The following VEPH1 variants were observed in gnomAD, a reference collection of about 807,000 sequenced individuals.
VEPH1 encodes the protein ventricular zone expressed PH domain containing 1, also known as ventricular zone-expressed PH domain-containing protein homolog 1.
A neutral mutation model predicts 85.2 loss-of-function variants in VEPH1; 80 were observed. The ratio of observed to expected loss-of-function variants is 0.94; its 90% confidence interval spans 0.78 to 1.13. The LOEUF (loss-of-function observed/expected upper bound fraction) is 1.13. VEPH1 is among the 50% of genes most tolerant of loss of function. The pLI, the probability that VEPH1 is intolerant of heterozygous loss-of-function variation, is 0.00. For synonymous variants in VEPH1, 297 were observed against 348.0 expected, an observed-to-expected ratio of 0.85 and a Z score of 1.63; for missense variants, 955 against 980.5, an observed-to-expected ratio of 0.97 and a Z score of 0.35.
intron 2 of VEPH1, among the ~76,000 whole-genome samples, 167 bp downstream of exon 2, chr3:157,495,045 A>G (rs904378639): frequency 6.6e-6 from 1 of 152,136 alleles, no homozygotes; most frequent in Non-Finnish European, 1.5e-5. Flanking sequence ...TGACTTCCCT[A>G]CTGATATTTC....
chr3:157,336,740 A>C (rs2108626631), intron 9 of VEPH1, among the ~76,000 whole-genome samples: 1 of 152,356 alleles, frequency 6.6e-6, no homozygotes, highest in East Asian at 1.9e-4. Context: ...AATCTAGAGC[A>C]AGGGTTGATA....
At chr3:157,369,774 G>A (rs1727281632) in intron 7 of VEPH1, among the ~76,000 whole-genome samples, 1 of 151,932 alleles carries the variant, frequency 6.6e-6, no homozygotes, top group Non-Finnish European at 1.5e-5. Context: ...TATTTTGTTC[G>A]AAACAAAGTT....
chr3:157,449,601 A>G (rs6799588), intron 4 of VEPH1, among the ~76,000 whole-genome samples: 7,124 of 152,224 alleles, frequency 0.047, 574 homozygotes, highest in African/African-American at 0.16. Context: ...TACGGAAATT[A>G]CTGCCTCTTC....
intron 4 of VEPH1, among the ~76,000 whole-genome samples, chr3:157,456,995 C>T (rs1735442871): frequency 6.6e-6 from 1 of 152,154 alleles, no homozygotes; most frequent in African/African-American, 2.4e-5. Flanking sequence ...TTGTTTCCTC[C>T]TATCCATGAG....
At chr3:157,318,116 C>T (rs1720944713) in intron 9 of VEPH1, among the ~76,000 whole-genome samples, 1 of 152,106 alleles carries the variant, frequency 6.6e-6, no homozygotes, top group African/African-American at 2.4e-5. Context: ...GAATGATGCT[C>T]AGAGATCCAG....
chr3:157,308,987 G>C lies in VEPH1; in HGVS notation c.2010+4634C>G, dbSNP rs112562865. Among the ~76,000 whole-genome samples, 7 of 152,196 alleles carry C rather than the reference G, an allele frequency of 4.6e-5. 1 individual carries two copies. Among genetic ancestry groups the C allele is most frequent in the African/African-American group, 1.7e-4 (7 of 41,544 alleles). ...AATTATTATTATTAATTCTAATAGT[G>C]TTCCTTGTATTTTCATATTAACTAA... On this transcript the variant is annotated intron_variant, in intron 11 of 13. Coordinates refer to ENST00000362010, the MANE Select transcript of VEPH1 (RefSeq NM_001167912.2).
chr3:157,413,742 A>G, intron 6 of VEPH1, 139 bp downstream of exon 6: 1 of 1,388,796 alleles, frequency 7.2e-7, no homozygotes, highest in South Asian at 1.5e-5. Flanking sequence ...TCCCAGGACA[A>G]ATTTGTATGT....
chr3:157,462,215 A>G (rs1357609966), intron 3 of VEPH1, among the ~76,000 whole-genome samples: 1 of 151,796 alleles, frequency 6.6e-6, no homozygotes, highest in Non-Finnish European at 1.5e-5. Flanking sequence ...AATATGCTCA[A>G]TTTCATTAAT....
intron 3 of VEPH1, among the ~76,000 whole-genome samples, chr3:157,468,693 G>T (rs1210434480): frequency 6.6e-6 from 1 of 152,092 alleles, no homozygotes; most frequent in Admixed American, 6.6e-5. Flanking sequence ...ATGGGTTGAA[G>T]AAATATATTA....
At chr3:157,411,244 G>A (rs1731509114) in intron 6 of VEPH1, among the ~76,000 whole-genome samples, 1 of 152,126 alleles carries the variant, frequency 6.6e-6, no homozygotes, top group Non-Finnish European at 1.5e-5. Flanking sequence ...TAGAGAGATT[G>A]CCTTCTAGAC....
At chr3:157,298,282 C>G (rs1420190974) in intron 11 of VEPH1, among the ~76,000 whole-genome samples, 1 of 152,072 alleles carries the variant, frequency 6.6e-6, no homozygotes, top group Non-Finnish European at 1.5e-5. Flanking sequence ...AATGACTTGC[C>G]CAGTTCCCAG....
chr3:157,500,828 A>G (rs892994442), intron 1 of VEPH1, among the ~76,000 whole-genome samples: 1 of 152,184 alleles, frequency 6.6e-6, no homozygotes, highest in Non-Finnish European at 1.5e-5. Context: ...TCTAGACTCA[A>G]CTGGATTCCA....
intron 7 of VEPH1, 69 bp downstream of exon 7, chr3:157,381,087 T>C (rs1007361816): frequency 8.1e-5 from 123 of 1,520,622 alleles, no homozygotes; most frequent in Middle Eastern, 2.3e-4. Context: ...TTAGAGAGGC[T>C]TAACTGTCTG....
intron 6 of VEPH1, among the ~76,000 whole-genome samples, chr3:157,398,641 A>C (rs2108963293): frequency 6.6e-6 from 1 of 151,922 alleles, no homozygotes; most frequent in South Asian, 2.1e-4. Flanking sequence ...TCAAAGAAAA[A>C]AAAAAAAAGG....
rs1728714314 is a variant in VEPH1 at position 157,381,146 on chromosome 3, T to C, written c.1127+10A>G. 6.2e-7 allele frequency: 1 copy of C among 1,612,602 alleles called. No homozygotes were observed. Among genetic ancestry groups the C allele is most frequent in the Non-Finnish European group, 8.5e-7 (1 of 1,179,956 alleles). ...GCAGCTCCCTGAGGTACACAGAAGCTCTTGCTCACCTGCCACTTCCAGCCT... is the reference window on the plus strand; with the variant it reads ...GCAGCTCCCTGAGGTACACAGAAGCCCTTGCTCACCTGCCACTTCCAGCCT... On this transcript the variant is annotated intron_variant, in intron 7 of 13. Coordinates refer to ENST00000362010, the MANE Select transcript of VEPH1 (RefSeq NM_001167912.2).
chr3:157,298,758 A>G (rs919608965), intron 11 of VEPH1, among the ~76,000 whole-genome samples: 1 of 152,228 alleles, frequency 6.6e-6, no homozygotes, highest in Non-Finnish European at 1.5e-5. Context: ...TACATGGAAC[A>G]TAATTAGATT....
At chr3:157,455,197 G>A (rs925550341) in intron 4 of VEPH1, among the ~76,000 whole-genome samples, 5 of 152,094 alleles carry the variant, frequency 3.3e-5, no homozygotes, top group African/African-American at 1.2e-4. Flanking sequence ...CTGAACTGAT[G>A]GGCATTCCCA....
In VEPH1 at chr3:157,340,384, C is replaced by A. The variant is rs774054293; in HGVS notation, c.1735+22980G>T. Reference sequence around the variant, plus strand: ...CACACCAGGAGATTATATCCCGCACCTGGCTCAGAGGGTCCCATGCCCATG... The same window carrying A: ...CACACCAGGAGATTATATCCCGCACATGGCTCAGAGGGTCCCATGCCCATG... On this transcript the variant is annotated intron_variant, in intron 9 of 13. Transcript: ENST00000362010. 5.8e-4 allele frequency among the ~76,000 whole-genome samples: 89 copies of A among 152,354 alleles called. 2 individuals carry two copies. In the Middle Eastern group the frequency reaches 0.017, roughly 29 times the overall value.
chr3:157,461,089 AT>A (rs1325112993), intron 3 of VEPH1, among the ~76,000 whole-genome samples: 4 of 152,284 alleles, frequency 2.6e-5, no homozygotes, highest in Non-Finnish European at 5.9e-5. Flanking sequence ...AGGAAAAAAA[AT>A]AAATGAATGT....
Sources: gnomAD v4.1 joint callset for allele counts (sites outside exome capture counted in the v4.1 genomes callset) on GRCh38, gnomAD v4.1.1 for gene constraint, MANE v1.5 for transcripts, NCBI Gene and HGNC (gene_info 2026-07-23, HGNC 2026-07-21) for gene names.